Variants in ZNF644 observed in about 807,000 individuals in gnomAD.
ZNF644 encodes the protein zinc finger motif enhancer binding protein 2.
ZNF644 carries 20 observed loss-of-function variants against 108.0 expected under a neutral mutation model. That is an observed-to-expected ratio of 0.19 (90% CI 0.13 to 0.27). The LOEUF (loss-of-function observed/expected upper bound fraction) is 0.27. ZNF644 is among the 10% of genes least tolerant of loss of function. ZNF644 has a pLI of 1.00. For missense variants in ZNF644, 1,338 were observed against 1,548.9 expected (o/e 0.86, Z 2.29); for synonymous variants, 542 against 539.1 (o/e 1.01, Z -0.08).
In ZNF644 at chr1:90,938,868, T is replaced by G; in HGVS notation, c.2486A>C (p.Tyr829Ser). The part of the protein sequence containing the change: ...SSVGGEDLDS[Y>S]PDFLHKMTVV... ...AGTCATTTTATGCAAAAAATCTGGATAGCTATCCAAGTCTTCCCCTCCAAC... is the reference window on the plus strand; with the variant it reads ...AGTCATTTTATGCAAAAAATCTGGAGAGCTATCCAAGTCTTCCCCTCCAAC... Residue 829 changes from tyrosine (Y) to serine (S), a missense_variant, in exon 3 of 6, where the codon TAT becomes TCT. Physicochemically the swap from Tyr to Ser is moderately radical, Grantham distance 144. Coordinates refer to ENST00000337393, the MANE Select transcript of ZNF644 (RefSeq NM_201269.3). The surrounding 1 kb of genome is among the most constrained non-coding windows in gnomAD (Gnocchi z 4.2). 6.2e-7 allele frequency: 1 copy of G among 1,613,956 alleles called. No individual in the cohort carries two copies. Among genetic ancestry groups the G allele is most frequent in the Non-Finnish European group, 8.5e-7 (1 of 1,179,948 alleles).
chr1:90,996,673 C>T (rs1354135265), intron 1 of ZNF644, among the ~76,000 whole-genome samples: 2 of 152,056 alleles, frequency 1.3e-5, no homozygotes, highest in South Asian at 2.1e-4. Context: ...CCCAGCTACT[C>T]GGGAGGCTGA....
At chr1:90,926,155 A>C (rs372226258) in intron 4 of ZNF644, among the ~76,000 whole-genome samples, 1 of 152,200 alleles carries the variant, frequency 6.6e-6, no homozygotes, top group South Asian at 2.1e-4. Context: ...CTTACTGATA[A>C]GAGATCACCA....
At chr1:90,936,935 C>G (rs941448908) in intron 4 of ZNF644, among the ~76,000 whole-genome samples, 1 of 152,100 alleles carries the variant, frequency 6.6e-6, no homozygotes, top group Non-Finnish European at 1.5e-5. Flanking sequence ...CCAAACTATT[C>G]CGCAATACAA....
At chr1:91,004,928 C>CA (rs923512169) in intron 1 of ZNF644, among the ~76,000 whole-genome samples, 1 of 151,730 alleles carries the variant, frequency 6.6e-6, no homozygotes, top group African/African-American at 2.4e-5. Flanking sequence ...ATAACCACCC[C>CA]AAAAAACAAT....
intron 1 of ZNF644, among the ~76,000 whole-genome samples, chr1:91,002,850 C>T (rs1659005770): frequency 6.6e-6 from 1 of 152,034 alleles, no homozygotes; most frequent in Non-Finnish European, 1.5e-5. Context: ...AACAAACAAC[C>T]CCATTAACAA....
At chr1:90,994,671 A>G (rs1657972869) in intron 1 of ZNF644, among the ~76,000 whole-genome samples, 1 of 152,232 alleles carries the variant, frequency 6.6e-6, no homozygotes, top group Admixed American at 6.5e-5. Flanking sequence ...CAGTGTAGGC[A>G]GCAGGAAGCT....
At chr1:90,961,180 C>T (rs1654307329) in intron 2 of ZNF644, among the ~76,000 whole-genome samples, 1 of 151,990 alleles carries the variant, frequency 6.6e-6, no homozygotes, top group Admixed American at 6.6e-5. Context: ...TTTAAAAACA[C>T]AAGAGTATAG....
intron 1 of ZNF644, among the ~76,000 whole-genome samples, chr1:90,992,168 A>G (rs947714222): frequency 1.3e-5 from 2 of 152,212 alleles, no homozygotes; most frequent in African/African-American, 4.8e-5. Context: ...CAACAGGCAT[A>G]AGGAAACTTT....
At position 90,940,277 on chromosome 1, in the gene ZNF644, G is replaced by A. The variant is rs1651813587; in HGVS notation, c.1077C>T (p.Ala359=). The part of the protein sequence containing the change: ...STDEDLESVD[A]FQHLIYNPDK... ...CTGGGTTATAAATTAGATGTTGGAAGGCATCCACAGATTCTAAGTCTTCAT... is the reference window on the plus strand; with the variant it reads ...CTGGGTTATAAATTAGATGTTGGAAAGCATCCACAGATTCTAAGTCTTCAT... The change falls in exon 3 of 6, where the codon GCC becomes GCT. Residue 359 remains alanine (A), a synonymous_variant. Transcript: ENST00000337393. 2 of 1,613,938 alleles carry A rather than the reference G, an allele frequency of 1.2e-6. No homozygotes were observed. The highest frequency in any genetic ancestry group is 1.7e-6 in the Non-Finnish European group (2 of 1,179,954).
intron 1 of ZNF644, among the ~76,000 whole-genome samples, chr1:91,002,531 A>G (rs1328289112): frequency 6.6e-6 from 1 of 152,246 alleles, no homozygotes; most frequent in Admixed American, 6.5e-5. Context: ...AATTAATTCA[A>G]GATGGATTAA....
chr1:90,950,964 C>T (rs897877333), intron 2 of ZNF644, among the ~76,000 whole-genome samples: 1 of 152,154 alleles, frequency 6.6e-6, no homozygotes, highest in Non-Finnish European at 1.5e-5. Flanking sequence ...AGAAAGGTTC[C>T]CAAACACATA....
chr1:90,959,632 A>G (rs903498896), intron 2 of ZNF644, among the ~76,000 whole-genome samples: 2 of 152,228 alleles, frequency 1.3e-5, no homozygotes, highest in African/African-American at 4.8e-5. Flanking sequence ...CACATATTCT[A>G]TGGTTTCTTT....
intron 4 of ZNF644, among the ~76,000 whole-genome samples, chr1:90,937,028 T>C (rs1166628335): frequency 6.6e-6 from 1 of 152,200 alleles, no homozygotes; most frequent in Non-Finnish European, 1.5e-5. Context: ...TGTTTTGTTT[T>C]ACCTAAGCAG....
At chr1:90,947,330 AATTTAAGC>A (rs2101015550) in intron 2 of ZNF644, among the ~76,000 whole-genome samples, 1 of 152,296 alleles carries the variant, frequency 6.6e-6, no homozygotes, top group East Asian at 1.9e-4. Context: ...CAATAAGACA[AATTTAAGC>A]ATTTAAGCAT....
chr1:91,013,997 G>A (rs1660205421), intron 1 of ZNF644, among the ~76,000 whole-genome samples: 1 of 151,894 alleles, frequency 6.6e-6, no homozygotes, highest in Non-Finnish European at 1.5e-5. Flanking sequence ...TTTCTATTGG[G>A]CAGTGCTGAC....
chr1:90,966,841 G>A (rs1654958192), intron 2 of ZNF644, among the ~76,000 whole-genome samples: 1 of 151,554 alleles, frequency 6.6e-6, no homozygotes, highest in African/African-American at 2.4e-5. Context: ...CAGTAAGTAA[G>A]AGCTGAGCAG....
intron 2 of ZNF644, among the ~76,000 whole-genome samples, chr1:90,963,166 A>C (rs1464134782): frequency 1.3e-5 from 2 of 152,160 alleles, no homozygotes; most frequent in Non-Finnish European, 2.9e-5. Context: ...CCTATAAACC[A>C]GTAAGTTAGA....
At chr1:90,989,399 T>A (rs114894591) in intron 1 of ZNF644, among the ~76,000 whole-genome samples, 1 of 151,408 alleles carries the variant, frequency 6.6e-6, no homozygotes, top group African/African-American at 2.4e-5. Context: ...AAAAAATAAA[T>A]AGGTGTGGTA....
chr1:90,950,214 T>G (rs371597833), intron 2 of ZNF644, among the ~76,000 whole-genome samples: 2 of 135,828 alleles, frequency 1.5e-5, no homozygotes, highest in African/African-American at 2.7e-5. Context: ...GGAGGAAAGG[T>G]TGCAGTGAGC....
Sources: allele counts gnomAD v4.1 joint callset (sites outside exome capture counted in the v4.1 genomes callset), GRCh38; gene constraint gnomAD v4.1.1; non-coding constraint Gnocchi (gnomAD v3.1); transcripts MANE v1.5; gene names NCBI Gene and HGNC (gene_info 2026-07-23, HGNC 2026-07-21).